CPE: variants seen among roughly 807,000 people sequenced by gnomAD.
CPE encodes the protein carboxypeptidase E.
A neutral mutation model predicts 53.5 loss-of-function variants in CPE; 17 were observed. That is an observed-to-expected ratio of 0.32 (90% CI 0.22 to 0.48). The LOEUF is 0.48. Among genes scored for constraint, CPE ranks in the 20% least tolerant of loss-of-function variants. CPE has a pLI of 0.99. For synonymous variants in CPE, 226 were observed against 228.8 expected (o/e 0.99, Z 0.11); for missense variants, 524 against 614.7 (o/e 0.85, Z 1.56).
chr4:165,409,943 GACAA>G (rs1017430799), intron 1 of CPE, among the ~76,000 whole-genome samples: 13 of 151,752 alleles, frequency 8.6e-5, no homozygotes, highest in Non-Finnish European at 1.3e-4. Context: ...AAAAAACACA[GACAA>G]ACAAACAAAA....
In CPE at chr4:165,487,498, G is replaced by A. The variant is rs763594121; in HGVS notation, c.1034G>A (p.Cys345Tyr). The change falls in exon 6 of 9, where the codon TGT becomes TAT. Residue 345 changes from cysteine to tyrosine, a missense_variant. Physicochemically the swap from Cys to Tyr is radical, Grantham distance 194. Coordinates refer to ENST00000402744, the MANE Select transcript of CPE (RefSeq NM_001873.4). ...NCFEITVELSCEKFPPEETLK... is the reference protein window; with the variant it reads ...NCFEITVELSYEKFPPEETLK... ...TTTGAGATCACCGTGGAGCTTAGCT[G>A]TGAGAAGTTCCCACCTGAAGAGACT... 6 of 1,614,022 alleles carry A rather than the reference G, an allele frequency of 3.7e-6. No homozygotes were observed. The East Asian group carries it at 1.1e-4, about 30-fold the overall frequency.
rs1416375802 is a variant in CPE at position 165,404,682 on chromosome 4, TGACTTCAGAC to T, written c.307+25155_307+25164del. ...TCAACTCCTTCCTGGAGGATTCAGATGACTTCAGACATCATGGGTGCAAGACACCTGGTAG... is the reference window on the plus strand; with the variant it reads ...TCAACTCCTTCCTGGAGGATTCAGATATCATGGGTGCAAGACACCTGGTAG... On this transcript the variant is annotated intron_variant, in intron 1 of 8. Transcript: ENST00000402744. 7 of 958,366 alleles carry T rather than the reference TGACTTCAGAC, an allele frequency of 7.3e-6. No homozygotes were observed. In the African/African-American group the frequency reaches 9.6e-5, roughly 13 times the overall value. 59.4% of individuals were successfully genotyped at this position (958,366 alleles called of 1,614,324 possible).
At position 165,484,515 on chromosome 4, in the gene CPE, C is replaced by G. The variant is rs1202800668; in HGVS notation, c.884C>G (p.Pro295Arg). 6.2e-7 allele frequency: 1 copy of G among 1,614,134 alleles called. No individual in the cohort carries two copies. The change falls in exon 5 of 9, where the codon CCC becomes CGC. Residue 295 changes from proline (P) to arginine (R), a missense_variant. Coordinates refer to ENST00000402744, the MANE Select transcript of CPE (RefSeq NM_001873.4). ...YSSFNPAMSD[P>R]NRPPCRKNDD... The stretch of plus-strand genomic sequence containing the variant: ...TCTTTCAACCCGGCCATGTCTGACC[C>G]CAATCGGCCACCATGTCGCAAGAAT...
At chr4:165,440,187 G>A (rs1731583533) in intron 1 of CPE, among the ~76,000 whole-genome samples, 2 of 152,126 alleles carry the variant, frequency 1.3e-5, no homozygotes, top group South Asian at 2.1e-4. Context: ...TGCTGTGAAG[G>A]CTTTAACCAG....
At chr4:165,406,089 T>C in intron 1 of CPE, 1 of 758,630 alleles carries the variant, frequency 1.3e-6, no homozygotes, top group Non-Finnish European at 2.5e-6. Context: ...ATGGCACTTC[T>C]GATTTGATCA....
At chr4:165,452,492 CTT>C (rs1161331249) in intron 1 of CPE, among the ~76,000 whole-genome samples, 1 of 151,810 alleles carries the variant, frequency 6.6e-6, no homozygotes, top group African/African-American at 2.4e-5. Flanking sequence ...TATTGTGACT[CTT>C]ATTTCTGTTT....
At chr4:165,484,945 T>C (rs1018741576) in intron 5 of CPE, among the ~76,000 whole-genome samples, 1 of 152,198 alleles carries the variant, frequency 6.6e-6, no homozygotes, top group Non-Finnish European at 1.5e-5. Flanking sequence ...TTTATGCCAG[T>C]CATGCTCTTT....
At chr4:165,447,054 G>A (rs909470389) in intron 1 of CPE, among the ~76,000 whole-genome samples, 3 of 152,046 alleles carry the variant, frequency 2.0e-5, no homozygotes, top group Non-Finnish European at 2.9e-5. Context: ...GTCATACATT[G>A]GTAAGCATTT....
chr4:165,447,585 G>A (rs1246183990), intron 1 of CPE, among the ~76,000 whole-genome samples: 1 of 144,334 alleles, frequency 6.9e-6, no homozygotes, highest in Admixed American at 6.9e-5. Flanking sequence ...AAAAAAAAAA[G>A]AAAAGAAAAG....
At chr4:165,386,433 T>A in intron 1 of CPE, 1 of 394,446 alleles carries the variant, frequency 2.5e-6, no homozygotes, top group Non-Finnish European at 4.9e-6. Context: ...TAGGCAAAAA[T>A]GCATATCATA....
At chr4:165,402,901 A>G (rs1281284994) in intron 1 of CPE, among the ~76,000 whole-genome samples, 1 of 152,258 alleles carries the variant, frequency 6.6e-6, no homozygotes, top group Non-Finnish European at 1.5e-5. Context: ...CAGAAATGAG[A>G]AAACTACCTT....
intron 1 of CPE, among the ~76,000 whole-genome samples, chr4:165,429,756 G>A (rs1243020396): frequency 6.6e-6 from 1 of 151,564 alleles, no homozygotes; most frequent in Non-Finnish European, 1.5e-5. Context: ...CAAGTTTATA[G>A]GAAAGATGAA....
At chr4:165,489,239 A>G (rs968960230) in intron 6 of CPE, among the ~76,000 whole-genome samples, 6 of 152,224 alleles carry the variant, frequency 3.9e-5, no homozygotes, top group Non-Finnish European at 5.9e-5. Context: ...CTCCACTTAC[A>G]TATCAAATAC....
At chr4:165,448,415 C>G (rs1579266161) in intron 1 of CPE, among the ~76,000 whole-genome samples, 2 of 152,152 alleles carry the variant, frequency 1.3e-5, no homozygotes, top group Non-Finnish European at 2.9e-5. Flanking sequence ...GATTGGCAGT[C>G]AAGTGGTGGA....
intron 1 of CPE, among the ~76,000 whole-genome samples, chr4:165,419,400 T>A (rs1212653249): frequency 6.6e-6 from 1 of 152,174 alleles, no homozygotes; most frequent in Non-Finnish European, 1.5e-5. Context: ...GTTTTACTTT[T>A]AAAGATGTGA....
At position 165,482,366 on chromosome 4, in the gene CPE, A is replaced by G. The variant is rs745661164; in HGVS notation, c.790+7A>G. The stretch of plus-strand genomic sequence containing the variant: ...TATGATGAGACGCGGAGTGGTAGGT[A>G]TTCTTTCTGCTTCTCTTATTGGTTC... On this transcript the variant is annotated splice_region_variant and intron_variant, in intron 4 of 8. Transcript: ENST00000402744. 7 of 1,565,728 alleles carry G rather than the reference A, an allele frequency of 4.5e-6. No individual in the cohort carries two copies. The highest frequency in any genetic ancestry group is 6.2e-6 in the Non-Finnish European group (7 of 1,136,282).
At chr4:165,429,909 C>CT (rs1193657874) in intron 1 of CPE, among the ~76,000 whole-genome samples, 1 of 152,050 alleles carries the variant, frequency 6.6e-6, no homozygotes, top group Non-Finnish European at 1.5e-5. Context: ...ACATCTTATT[C>CT]TTAATACCTA....
At chr4:165,408,419 TA>T (rs11333959) in intron 1 of CPE, among the ~76,000 whole-genome samples, 68,551 of 151,936 alleles carry the variant, frequency 0.45, 15,704 homozygotes, top group Middle Eastern at 0.51. Context: ...AGACTGTTAT[TA>T]AAAAAAATTC....
intron 7 of CPE, among the ~76,000 whole-genome samples, chr4:165,493,917 A>G (rs1260346544): frequency 6.6e-6 from 1 of 152,160 alleles, no homozygotes; most frequent in Non-Finnish European, 1.5e-5. Flanking sequence ...AGGTCATTTT[A>G]GTTTGTCATT....
Sources: allele counts gnomAD v4.1 joint callset (sites outside exome capture counted in the v4.1 genomes callset), GRCh38; gene constraint gnomAD v4.1.1; transcripts MANE v1.5; gene names NCBI Gene and HGNC (gene_info 2026-07-23, HGNC 2026-07-21).